Variants in SLC24A2 observed in about 807,000 individuals in gnomAD.
SLC24A2 encodes the protein solute carrier family 24 member 2, also known as sodium/potassium/calcium exchanger 2.
A neutral mutation model predicts 62.0 loss-of-function variants in SLC24A2; 36 were observed. The ratio of observed to expected loss-of-function variants is 0.58; its 90% CI spans 0.44 to 0.77. The LOEUF is 0.77. Among genes scored for constraint, SLC24A2 ranks in the 30% least tolerant of loss-of-function variants. The pLI, the probability that SLC24A2 is intolerant of heterozygous loss-of-function variation, is 0.00. For missense variants in SLC24A2, 846 were observed against 817.9 expected, an observed-to-expected ratio of 1.03 and a Z score of -0.42; for synonymous variants, 358 against 294.0, an observed-to-expected ratio of 1.22 and a Z score of -2.23.
intron 2 of SLC24A2, among the ~76,000 whole-genome samples, chr9:19,759,512 T>C (rs1321838072): frequency 2.0e-5 from 3 of 152,198 alleles, no homozygotes; most frequent in African/African-American, 7.2e-5. Context: ...CAAAACAGTG[T>C]TTGGAGGAAA....
At chr9:20,047,741 G>A in the SLC24A2 span, among the ~76,000 whole-genome samples, 3 of 150,816 alleles carry the variant, frequency 2.0e-5, no homozygotes, top group Admixed American at 6.6e-5. Context: ...AACCACGAGG[G>A]CCCTTCCCTC....
At chr9:20,028,428 A>G in the SLC24A2 span, among the ~76,000 whole-genome samples, 2 of 152,078 alleles carry the variant, frequency 1.3e-5, no homozygotes, top group Non-Finnish European at 2.9e-5. Context: ...TGTTCAGGCT[A>G]TTTATTTTTT....
chr9:20,234,825 T>C, the SLC24A2 span, among the ~76,000 whole-genome samples: 1 of 152,236 alleles, frequency 6.6e-6, no homozygotes, highest in African/African-American at 2.4e-5. Context: ...TGTCCAGTTT[T>C]TCTGCTCTGT....
chr9:20,094,250 C>G, the SLC24A2 span, among the ~76,000 whole-genome samples: 1 of 152,132 alleles, frequency 6.6e-6, no homozygotes, highest in Non-Finnish European at 1.5e-5. Flanking sequence ...ATCACATGGG[C>G]AATTGTTTGA....
the SLC24A2 span, among the ~76,000 whole-genome samples, chr9:20,291,682 C>A: frequency 2.0e-5 from 3 of 152,116 alleles, no homozygotes; most frequent in Non-Finnish European, 4.4e-5. Flanking sequence ...GTTTCCTGGA[C>A]GCTGGAGCAC....
At chr9:20,204,227 T>C in the SLC24A2 span, among the ~76,000 whole-genome samples, 1 of 152,202 alleles carries the variant, frequency 6.6e-6, no homozygotes, top group East Asian at 1.9e-4. Flanking sequence ...CTTGTACAGT[T>C]GAATTGCTGA....
the SLC24A2 span, among the ~76,000 whole-genome samples, chr9:19,981,218 A>G: frequency 2.6e-5 from 4 of 152,232 alleles, no homozygotes; most frequent in African/African-American, 7.2e-5. Context: ...ACATATATGT[A>G]GCTCACTGGC....
intron 7 of SLC24A2, among the ~76,000 whole-genome samples, chr9:19,551,371 G>A (rs553710478): frequency 4.7e-4 from 72 of 152,330 alleles, no homozygotes; most frequent in African/African-American, 1.7e-3. Context: ...ACTGAAGTCA[G>A]TAGCTTCTGA....
chr9:20,245,622 T>A, the SLC24A2 span, among the ~76,000 whole-genome samples: 2 of 152,144 alleles, frequency 1.3e-5, no homozygotes, highest in Admixed American at 6.6e-5. Context: ...AACAGCTTGG[T>A]CTTCAGATGT....
chr9:19,674,801 T>C (rs184785604), intron 2 of SLC24A2, among the ~76,000 whole-genome samples: 1 of 152,340 alleles, frequency 6.6e-6, no homozygotes, highest in Admixed American at 6.5e-5. Context: ...ACTTCATCTT[T>C]CTCTGCTGCC....
chr9:20,159,912 G>A, the SLC24A2 span, among the ~76,000 whole-genome samples: 1 of 151,520 alleles, frequency 6.6e-6, no homozygotes, highest in Non-Finnish European at 1.5e-5. Flanking sequence ...AATATGCACA[G>A]AAATTATAAC....
At chr9:19,732,215 G>T (rs1376631908) in intron 2 of SLC24A2, among the ~76,000 whole-genome samples, 4 of 152,152 alleles carry the variant, frequency 2.6e-5, no homozygotes, top group African/African-American at 7.2e-5. Context: ...CCCCTAGTGG[G>T]CACATTATGT....
At chr9:19,892,733 T>C in the SLC24A2 span, among the ~76,000 whole-genome samples, 1 of 152,304 alleles carries the variant, frequency 6.6e-6, no homozygotes, top group Non-Finnish European at 1.5e-5. Context: ...ATTTTTGGTT[T>C]GTTTTTGTAT....
chr9:20,232,605 G>A, the SLC24A2 span, among the ~76,000 whole-genome samples: 12 of 151,878 alleles, frequency 7.9e-5, no homozygotes, highest in African/African-American at 9.7e-5. Context: ...TTTTTATTGC[G>A]TCTATTTGAT....
intron 2 of SLC24A2, among the ~76,000 whole-genome samples, chr9:19,752,859 A>T (rs1163375344): frequency 6.6e-6 from 1 of 152,186 alleles, no homozygotes; most frequent in Non-Finnish European, 1.5e-5. Flanking sequence ...TATAGATAAT[A>T]AGTGGCCAAG....
At chr9:19,921,022 T>C in the SLC24A2 span, among the ~76,000 whole-genome samples, 1 of 146,008 alleles carries the variant, frequency 6.8e-6, no homozygotes. Flanking sequence ...TCGATATAAG[T>C]AACAAGTTTA....
intron 2 of SLC24A2, among the ~76,000 whole-genome samples, chr9:19,645,547 A>G (rs915469410): frequency 3.3e-5 from 5 of 152,164 alleles, no homozygotes; most frequent in Non-Finnish European, 5.9e-5. Flanking sequence ...CATAGTGGCA[A>G]TGAAGGGTGT....
chr9:20,218,355 C>A, the SLC24A2 span, among the ~76,000 whole-genome samples: 2 of 152,126 alleles, frequency 1.3e-5, no homozygotes, highest in Non-Finnish European at 1.5e-5. Context: ...CTTTTCTGTT[C>A]TAGCCTACAA....
chr9:19,788,600 T>C, intron 1 of SLC24A2: 1 of 985,372 alleles, frequency 1.0e-6, no homozygotes, highest in Non-Finnish European at 1.2e-6. Context: ...CGTTTGTAGG[T>C]GGCTGGGGAA....
Sources: gnomAD v4.1 joint callset for allele counts (sites outside exome capture counted in the v4.1 genomes callset) on GRCh38, gnomAD v4.1.1 for gene constraint, MANE v1.5 for transcripts, NCBI Gene and HGNC (gene_info 2026-07-23, HGNC 2026-07-21) for gene names.